Variants in NRG3 observed in about 807,000 individuals in gnomAD.
NRG3 encodes the protein neuregulin 3.
In NRG3, 31 loss-of-function variants were observed where a neutral mutation model predicts 66.9. The ratio of observed to expected loss-of-function variants is 0.46; its 90% CI spans 0.35 to 0.63. The LOEUF (loss-of-function observed/expected upper bound fraction) is 0.63. Ranked by LOEUF, NRG3 falls within the 20% of genes least tolerant of loss-of-function variation. The pLI, the probability that NRG3 is intolerant of heterozygous loss-of-function variation, is 0.00. For missense variants in NRG3, 910 were observed against 878.9 expected (o/e 1.04, Z -0.45); for synonymous variants, 393 against 359.4 (o/e 1.09, Z -1.06).
intron 1 of NRG3, among the ~76,000 whole-genome samples, chr10:82,076,580 C>T (rs1052486759): frequency 1.3e-5 from 2 of 152,142 alleles, no homozygotes; most frequent in African/African-American, 4.8e-5. Context: ...GGTGGATTCC[C>T]CATGAATGGC....
In NRG3 at chr10:81,983,056, G is replaced by T. The variant is rs181283410; in HGVS notation, c.823+106893G>T. ...GAGTCAGGAGGGCTATGTAGACTGT[G>T]TCCATGGTTAGGTGGAGATGCTGAT... On this transcript the variant is annotated intron_variant, in intron 1 of 8. Coordinates refer to ENST00000372141, the MANE Select transcript of NRG3 (RefSeq NM_001010848.4). Among the ~76,000 whole-genome samples, 814 of 152,244 alleles carry T rather than the reference G, an allele frequency of 5.3e-3. 21 individuals carry two copies. The highest frequency in any genetic ancestry group is 0.032 in the Admixed American group (484 of 15,286).
chr10:81,903,624 A>G (rs1484042933), intron 1 of NRG3, among the ~76,000 whole-genome samples: 1 of 152,196 alleles, frequency 6.6e-6, no homozygotes, highest in Non-Finnish European at 1.5e-5. Context: ...TCAGCATTGC[A>G]TGGTTTCGAA....
rs187574398 is a variant in NRG3 at position 82,125,799 on chromosome 10, C to G, written c.824-232940C>G. Among the ~76,000 whole-genome samples the G allele has an allele frequency of 4.1e-4, 62 of 152,094 alleles. 2 individuals are homozygous for G. The highest frequency in any genetic ancestry group is 1.4e-3 in the African/African-American group (58 of 41,526). ...CCATGCTTATATATTCTGAATACTG[C>G]CCAGATTTGTGTAATTTTCTTTATC... On this transcript the variant is annotated intron_variant, in intron 1 of 8. Transcript: ENST00000372141.
chr10:82,011,798 G>T, intron 1 of NRG3, among the ~76,000 whole-genome samples: 1 of 152,320 alleles, frequency 6.6e-6, no homozygotes, highest in South Asian at 2.1e-4. Context: ...TCATGCTGAC[G>T]GAAGAGATGG....
At chr10:82,666,825 C>T (rs144369490) in intron 2 of NRG3, among the ~76,000 whole-genome samples, 15 of 152,290 alleles carry the variant, frequency 9.8e-5, no homozygotes, top group African/African-American at 2.9e-4. Flanking sequence ...CTTTATTCTT[C>T]GTATTCCAGC....
At chr10:81,926,921 TG>T (rs1846857636) in intron 1 of NRG3, among the ~76,000 whole-genome samples, 1 of 152,172 alleles carries the variant, frequency 6.6e-6, no homozygotes, top group Non-Finnish European at 1.5e-5. Flanking sequence ...AGAGGGGTTG[TG>T]ACAACTCAGT....
intron 1 of NRG3, among the ~76,000 whole-genome samples, chr10:82,193,938 G>A (rs895300946): frequency 9.2e-5 from 14 of 152,130 alleles, no homozygotes; most frequent in Admixed American, 2.0e-4. Context: ...AGAGATCTCA[G>A]GATTGAGTTG....
chr10:82,163,024 T>C (rs2071727079), intron 1 of NRG3, among the ~76,000 whole-genome samples: 1 of 152,082 alleles, frequency 6.6e-6, no homozygotes, highest in South Asian at 2.1e-4. Context: ...ATTCTTACTG[T>C]GCTCTTGGCT....
intron 2 of NRG3, among the ~76,000 whole-genome samples, chr10:82,403,721 G>C (rs1035248387): frequency 6.6e-6 from 1 of 152,108 alleles, no homozygotes; most frequent in Non-Finnish European, 1.5e-5. Context: ...TTTGTCGAGT[G>C]CTTGCTTTTG....
intron 4 of NRG3, among the ~76,000 whole-genome samples, chr10:82,921,419 CTG>C (rs1334737081): frequency 6.6e-6 from 1 of 152,074 alleles, no homozygotes; most frequent in African/African-American, 2.4e-5. Flanking sequence ...TGTTTAAAAA[CTG>C]AGGAAATCTG....
At chr10:82,802,256 A>G (rs1228052467) in intron 3 of NRG3, among the ~76,000 whole-genome samples, 2 of 152,224 alleles carry the variant, frequency 1.3e-5, no homozygotes, top group Non-Finnish European at 2.9e-5. Flanking sequence ...GTGTGTTGCC[A>G]CAAATGAGTA....
At chr10:82,196,573 C>T (rs2074460604) in intron 1 of NRG3, among the ~76,000 whole-genome samples, 1 of 151,510 alleles carries the variant, frequency 6.6e-6, no homozygotes, top group African/African-American at 2.4e-5. Context: ...GTCAACTATG[C>T]TAAAAGGTAA....
At chr10:82,151,735 A>G (rs1590317597) in intron 1 of NRG3, among the ~76,000 whole-genome samples, 1 of 152,150 alleles carries the variant, frequency 6.6e-6, no homozygotes, top group Admixed American at 6.5e-5. Context: ...AAGCACCTGA[A>G]TGAGTTCTGT....
At chr10:81,918,818 C>CAAAAAACAAACA (rs1845949935) in intron 1 of NRG3, among the ~76,000 whole-genome samples, 2 of 145,804 alleles carry the variant, frequency 1.4e-5, no homozygotes, top group East Asian at 2.0e-4. Flanking sequence ...AGGATTTTTG[C>CAAAAAACAAACA]AAAAAACAAA....
chr10:82,371,681 A>T (rs1168042935), intron 2 of NRG3, among the ~76,000 whole-genome samples: 1 of 152,162 alleles, frequency 6.6e-6, no homozygotes, highest in African/African-American at 2.4e-5. Flanking sequence ...TCTTTGGCTC[A>T]TGATTCTGAT....
intron 1 of NRG3, among the ~76,000 whole-genome samples, chr10:82,042,470 A>G (rs2063089901): frequency 6.6e-6 from 1 of 152,128 alleles, no homozygotes; most frequent in Admixed American, 6.6e-5. Flanking sequence ...TGATCAATTT[A>G]TGATCAAAAC....
chr10:82,599,415 T>C (rs867762682), intron 2 of NRG3, among the ~76,000 whole-genome samples: 1 of 152,120 alleles, frequency 6.6e-6, no homozygotes, highest in East Asian at 1.9e-4. Context: ...GGATGAGTGA[T>C]GGAATTGTCA....
At chr10:81,947,148 A>G (rs1455099721) in intron 1 of NRG3, among the ~76,000 whole-genome samples, 1 of 152,066 alleles carries the variant, frequency 6.6e-6, no homozygotes, top group Non-Finnish European at 1.5e-5. Context: ...TGGTAGCATA[A>G]TTCCAGTCTT....
At chr10:82,205,463 A>G (rs530432996) in intron 1 of NRG3, among the ~76,000 whole-genome samples, 1 of 152,360 alleles carries the variant, frequency 6.6e-6, no homozygotes, top group Admixed American at 6.5e-5. Context: ...AGAAGCAAGA[A>G]GAGAACTCAG....
Sources: gnomAD v4.1 joint callset for allele counts (sites outside exome capture counted in the v4.1 genomes callset) on GRCh38, gnomAD v4.1.1 for gene constraint, MANE v1.5 for transcripts, NCBI Gene and HGNC (gene_info 2026-07-23, HGNC 2026-07-21) for gene names.